Variants in AADAT observed in about 807,000 individuals in gnomAD.
AADAT encodes aminoadipate aminotransferase, also known as kynurenine/alpha-aminoadipate aminotransferase, mitochondrial.
AADAT carries 25 observed loss-of-function variants against 56.2 expected under a neutral mutation model. That is an observed-to-expected ratio of 0.44 (90% confidence interval 0.32 to 0.62). The LOEUF (loss-of-function observed/expected upper bound fraction) is 0.62, where lower values mean the gene tolerates loss of function less well. AADAT is among the 20% of genes least tolerant of loss of function. The probability of loss-of-function intolerance (pLI) is 0.04; values close to 1 mark genes in which losing one functional copy is unlikely to be tolerated. For missense variants in AADAT, 387 were observed against 510.5 expected (o/e 0.76, Z 2.33); for synonymous variants, 173 against 164.7 (o/e 1.05, Z -0.39).
rs943679772 is a variant in AADAT at position 170,089,872 on chromosome 4, C to T, written c.-182G>A. ...GGAGAACGCCGCCGAAACTCCCCGG[C>T]TGGACGCTGCGTTCGGTCTCCCGGT... On this transcript the variant is annotated 5_prime_UTR_variant, in exon 1 of 13. Transcript: ENST00000337664. 1.6e-6 allele frequency: 1 copy of T among 622,562 alleles called. No homozygotes were observed. The highest frequency in any genetic ancestry group is 2.8e-5 in the Admixed American group (1 of 36,072). 38.6% of individuals were successfully genotyped at this position (622,562 alleles called of 1,614,324 possible).
Position 170,088,377 on chromosome 4 carries a change from G to C in AADAT, c.236+19C>G. 1 of 1,555,492 alleles carries C rather than the reference G, an allele frequency of 6.4e-7. No individual in the cohort carries two copies. ...TATGAAAATAAGCCAATAAAATTAT[G>C]TTAAGTATTGATACTTACCCAGCAC... On this transcript the variant is annotated intron_variant, in intron 2 of 12. Transcript: ENST00000337664.
intron 3 of AADAT, among the ~76,000 whole-genome samples, chr4:170,078,918 G>A (rs976680077): frequency 5.9e-5 from 9 of 152,160 alleles, no homozygotes; most frequent in African/African-American, 2.2e-4. Context: ...CCAGAGAAAG[G>A]TGAACAGAGG....
intron 2 of AADAT, 142 bp downstream of exon 2, chr4:170,088,254 A>T: frequency 1.2e-6 from 1 of 816,768 alleles, no homozygotes; most frequent in South Asian, 2.7e-5. Flanking sequence ...GTATTTGGTC[A>T]TTGAATGACC....
chr4:170,092,908 CAGTT>C (rs532958814), upstream of AADAT, among the ~76,000 whole-genome samples: 110 of 152,358 alleles, frequency 7.2e-4, no homozygotes, highest in Middle Eastern at 3.4e-3. Flanking sequence ...GGCCTGTTCT[CAGTT>C]AATCCATGCA....
chr4:170,088,706 C>T lies in AADAT; in HGVS notation c.68-142G>A. 3 of 826,124 alleles carry T rather than the reference C, an allele frequency of 3.6e-6. No individual in the cohort carries two copies. The South Asian group carries it at 5.9e-5, about 16-fold the overall frequency. The allele number at this position is 826,124 out of a possible 1,614,324, so 51.2% of individuals were successfully genotyped here. On this transcript the variant is annotated intron_variant, in intron 1 of 12. Transcript: ENST00000337664. ...GTGCTATGGTCTAAATGTTGGTGCT[C>T]CCCCAGATTCATACTTGGAAGTTAA...
At chr4:170,083,695 T>G (rs1732422051) in intron 3 of AADAT, among the ~76,000 whole-genome samples, 1 of 152,306 alleles carries the variant, frequency 6.6e-6, no homozygotes, top group East Asian at 1.9e-4. Flanking sequence ...AGATATTACC[T>G]AACCATATTC....
chr4:170,068,705 AG>A lies in AADAT; in HGVS notation c.804-19del. On this transcript the variant is annotated intron_variant, in intron 7 of 12. Coordinates refer to ENST00000337664, the MANE Select transcript of AADAT (RefSeq NM_016228.4). ...TTCTCAACCTACGTGGAAAGAGAAA[AG>A]GCACGATACCAATTCCATATTAACA... is the stretch of plus-strand genomic sequence containing the variant. 6.7e-7 allele frequency: 1 copy of A among 1,495,976 alleles called. No individual in the cohort carries two copies. Among genetic ancestry groups the A allele is most frequent in the Non-Finnish European group, 9.1e-7 (1 of 1,095,536 alleles). The allele number at this position is 1,495,976 out of a possible 1,614,324, so 92.7% of individuals were successfully genotyped here. A position where few individuals can be genotyped will look rare whatever the true frequency, so the allele number is the denominator to read the frequency against.
At chr4:170,074,669 G>A (rs547833722) in intron 4 of AADAT, among the ~76,000 whole-genome samples, 1 of 152,224 alleles carries the variant, frequency 6.6e-6, no homozygotes, top group Non-Finnish European at 1.5e-5. Context: ...TGGAACATGG[G>A]AGGTTCAGGG....
intron 3 of AADAT, among the ~76,000 whole-genome samples, chr4:170,080,343 C>G (rs1284136836): frequency 1.3e-5 from 2 of 152,156 alleles, no homozygotes; most frequent in Admixed American, 1.3e-4. Context: ...AAAACTCCCC[C>G]TAATTCACGG....
Position 170,069,154 on chromosome 4 carries a change from GA to G in AADAT, c.796del (p.Ser266ProfsTer4). ...TAGAGACACAGGGCCTTACCCAGAGGAAATGATTTTTGAAAAAGAGTCAGCT... is the reference window on the plus strand; with the variant it reads ...TAGAGACACAGGGCCTTACCCAGAGGAATGATTTTTGAAAAAGAGTCAGCT... ...IRADSFSKIISSGLRIGFLTG... is the reference protein window; with the variant it reads ...IRADSFSKIIXSGLRIGFLTG... On this transcript the variant is annotated frameshift_variant, in exon 7 of 13. Transcript: ENST00000337664. LOFTEE classifies it high-confidence loss of function. 1 of 1,613,550 alleles carries G rather than the reference GA, an allele frequency of 6.2e-7. No individual in the cohort carries two copies. The highest frequency in any genetic ancestry group is 8.5e-7 in the Non-Finnish European group (1 of 1,179,704).
At chr4:170,086,655 A>C (rs887343215) in intron 3 of AADAT, among the ~76,000 whole-genome samples, 4 of 152,220 alleles carry the variant, frequency 2.6e-5, no homozygotes, top group Non-Finnish European at 5.9e-5. Context: ...AGATGAAATT[A>C]AGCAGTGTTC....
rs1261169161 is a variant in AADAT at position 170,067,331 on chromosome 4, C to T, written c.958G>A (p.Asp320Asn). ...TTTAAAGAAATGATACAATACCTGT[C>T]TACATGAGCCATGAAACCTTCTTCT... is the stretch of plus-strand genomic sequence containing the variant. The part of the protein sequence containing the change: ...WGEEGFMAHV[D>N]RVIDFYSNQK... Residue 320 changes from aspartate to asparagine, a missense_variant, in exon 9 of 13, where the codon GAC becomes AAC. By Grantham distance (23) the Asp-to-Asn change is conservative. Coordinates refer to ENST00000337664, the MANE Select transcript of AADAT (RefSeq NM_016228.4). 3 of 1,612,496 alleles carry T rather than the reference C, an allele frequency of 1.9e-6. No homozygotes were observed. Among genetic ancestry groups the T allele is most frequent in the Non-Finnish European group, 2.5e-6 (3 of 1,178,778 alleles).
upstream of AADAT, chr4:170,090,113 C>T (rs1458308222): frequency 6.6e-6 from 1 of 152,216 alleles, no homozygotes; most frequent in Non-Finnish European, 1.5e-5. Flanking sequence ...AGGCGCGAGG[C>T]GCTTGCAGCC....
At position 170,088,715 on chromosome 4, in the gene AADAT, T is replaced by A. The variant is rs991246; in HGVS notation, c.68-151A>T. 0.01 allele frequency: 8,071 copies of A among 798,058 alleles called. 476 individuals carry two copies. In the African/African-American group the frequency reaches 0.12, roughly 12 times the overall value. 49.4% of individuals were successfully genotyped at this position (798,058 alleles called of 1,614,324 possible). ...TCTAAATGTTGGTGCTCCCCCAGATTCATACTTGGAAGTTAATACTAATGT... is the reference window on the plus strand; with the variant it reads ...TCTAAATGTTGGTGCTCCCCCAGATACATACTTGGAAGTTAATACTAATGT... On this transcript the variant is annotated intron_variant, in intron 1 of 12. Coordinates refer to ENST00000337664, the MANE Select transcript of AADAT (RefSeq NM_016228.4).
At chr4:170,076,797 A>G (rs1219295257) in intron 4 of AADAT, among the ~76,000 whole-genome samples, 1 of 151,924 alleles carries the variant, frequency 6.6e-6, no homozygotes, top group Admixed American at 6.5e-5. Context: ...ACCAAATCTA[A>G]GGTCATAAAA....
chr4:170,093,636 C>G (rs78850838), upstream of AADAT, among the ~76,000 whole-genome samples: 1 of 152,218 alleles, frequency 6.6e-6, no homozygotes, highest in East Asian at 1.9e-4. Flanking sequence ...ACTTTGTTAT[C>G]CAGGCTTGAA....
intron 9 of AADAT, 126 bp downstream of exon 9, chr4:170,067,201 G>T (rs1374518523): frequency 4.4e-6 from 3 of 687,562 alleles, no homozygotes; most frequent in Non-Finnish European, 7.4e-6. Flanking sequence ...ATAATAGACC[G>T]TTCCTATTGT....
chr4:170,092,892 T>C (rs1732909199), upstream of AADAT, among the ~76,000 whole-genome samples: 1 of 152,264 alleles, frequency 6.6e-6, no homozygotes, highest in Non-Finnish European at 1.5e-5. Context: ...ATTTGGCAAC[T>C]TTTAAGGCCT....
intron 3 of AADAT, among the ~76,000 whole-genome samples, chr4:170,080,520 C>T (rs1409107126): frequency 6.6e-6 from 1 of 152,158 alleles, no homozygotes; most frequent in Non-Finnish European, 1.5e-5. Flanking sequence ...GGAGGCAGGA[C>T]TACCATCCCA....
Sources: gnomAD v4.1 joint callset for allele counts (sites outside exome capture counted in the v4.1 genomes callset) on GRCh38, gnomAD v4.1.1 for gene constraint, MANE v1.5 for transcripts, NCBI Gene and HGNC (gene_info 2026-07-23, HGNC 2026-07-21) for gene names.